The following PHACTR4 variants were observed in gnomAD, a reference collection of about 807,000 sequenced individuals.
PHACTR4 encodes protein phosphatase 1, regulatory subunit 124.
Under a neutral mutation model 72.7 loss-of-function variants are expected in PHACTR4, and 51 were observed. That is an observed-to-expected ratio of 0.70 (90% CI 0.56 to 0.89). The LOEUF (loss-of-function observed/expected upper bound fraction) is 0.89, where lower values mean the gene tolerates loss of function less well. Ranked by LOEUF, PHACTR4 falls within the 40% of genes least tolerant of loss-of-function variation. PHACTR4 has a pLI of 0.00. For missense variants in PHACTR4, 731 were observed against 861.8 expected, an observed-to-expected ratio of 0.85 and a Z score of 1.90; for synonymous variants, 255 against 302.5, an observed-to-expected ratio of 0.84 and a Z score of 1.63.
chr1:28,460,977 C>T (rs1183035314), intron 4 of PHACTR4, among the ~76,000 whole-genome samples: 1 of 152,086 alleles, frequency 6.6e-6, no homozygotes, highest in East Asian at 1.9e-4. Context: ...GTCCCCATGC[C>T]CATATCACTG....
chr1:28,393,644 TTACTA>T (rs368203239), intron 1 of PHACTR4, among the ~76,000 whole-genome samples: 5 of 152,126 alleles, frequency 3.3e-5, no homozygotes, highest in African/African-American at 1.2e-4. Flanking sequence ...GTTTATATAT[TTACTA>T]TACTTTTTAA....
intron 2 of PHACTR4, among the ~76,000 whole-genome samples, chr1:28,450,398 T>C (rs1476248552): frequency 6.6e-6 from 1 of 152,068 alleles, no homozygotes; most frequent in East Asian, 1.9e-4. Flanking sequence ...ACTGCATGCC[T>C]ATATGTTCTC....
intron 2 of PHACTR4, among the ~76,000 whole-genome samples, chr1:28,428,489 A>C (rs572648179): frequency 6.6e-6 from 1 of 152,220 alleles, no homozygotes; most frequent in Admixed American, 6.5e-5. Flanking sequence ...CAGAATCCCT[A>C]TATCTCCAGT....
At chr1:28,439,407 A>G (rs1206377469) in intron 2 of PHACTR4, among the ~76,000 whole-genome samples, 4 of 152,112 alleles carry the variant, frequency 2.6e-5, no homozygotes, top group Non-Finnish European at 5.9e-5. Context: ...TTTGTTTCTA[A>G]AGGTAGTATT....
intron 6 of PHACTR4, among the ~76,000 whole-genome samples, chr1:28,468,862 C>T (rs1659382425): frequency 6.6e-6 from 1 of 152,132 alleles, no homozygotes; most frequent in Non-Finnish European, 1.5e-5. Flanking sequence ...CATTAAGAGC[C>T]TCTGCTCTAC....
At chr1:28,461,849 C>CTTT (rs142600648) in intron 4 of PHACTR4, among the ~76,000 whole-genome samples, 3 of 144,216 alleles carry the variant, frequency 2.1e-5, no homozygotes, top group African/African-American at 8.0e-5. Flanking sequence ...TGTTTTCTTT[C>CTTT]TTTCTTTTTT....
At chr1:28,403,493 A>T (rs1654089060) in intron 1 of PHACTR4, among the ~76,000 whole-genome samples, 1 of 152,220 alleles carries the variant, frequency 6.6e-6, no homozygotes, top group African/African-American at 2.4e-5. Context: ...TGGAGGATCC[A>T]GCCAGTGCAA....
At chr1:28,436,663 G>T (rs1351896128) in intron 2 of PHACTR4, among the ~76,000 whole-genome samples, 1 of 152,120 alleles carries the variant, frequency 6.6e-6, no homozygotes, top group Non-Finnish European at 1.5e-5. Context: ...TGGAGGTTAT[G>T]TTAAGGTTGT....
At chr1:28,378,910 C>G (rs997552597) in intron 1 of PHACTR4, among the ~76,000 whole-genome samples, 2 of 152,028 alleles carry the variant, frequency 1.3e-5, no homozygotes, top group Non-Finnish European at 2.9e-5. Context: ...ACTGTTATTA[C>G]CCAGGCACTG....
chr1:28,441,416 C>T (rs1657022178), intron 2 of PHACTR4, among the ~76,000 whole-genome samples: 1 of 152,028 alleles, frequency 6.6e-6, no homozygotes, highest in African/African-American at 2.4e-5. Context: ...TAATTGATTC[C>T]CTTGACTTGT....
chr1:28,472,299 T>G (rs1659612205), intron 6 of PHACTR4, among the ~76,000 whole-genome samples: 1 of 152,172 alleles, frequency 6.6e-6, no homozygotes, highest in Non-Finnish European at 1.5e-5. Flanking sequence ...TAGTATGATC[T>G]TGGGCAAAGT....
intron 4 of PHACTR4, among the ~76,000 whole-genome samples, 156 bp downstream of exon 4, chr1:28,460,448 G>A (rs115798179): frequency 3.2e-3 from 491 of 152,102 alleles, no homozygotes; most frequent in African/African-American, 0.011. Context: ...CCTTCCTTGG[G>A]GCAAACATTC....
At chr1:28,460,367 ATTTT>A in intron 4 of PHACTR4, 75 bp downstream of exon 4, 1 of 1,088,202 alleles carries the variant, frequency 9.2e-7, no homozygotes, top group Non-Finnish European at 1.3e-6. Context: ...AGATATTTGA[ATTTT>A]CTTTCTTTCT....
At chr1:28,424,374 C>T (rs1655699840) in intron 2 of PHACTR4, among the ~76,000 whole-genome samples, 1 of 151,944 alleles carries the variant, frequency 6.6e-6, no homozygotes, top group Non-Finnish European at 1.5e-5. Flanking sequence ...CTAGGCTGGT[C>T]TCCACCTCTG....
At chr1:28,403,557 C>CA (rs1252856663) in intron 1 of PHACTR4, among the ~76,000 whole-genome samples, 2 of 151,868 alleles carry the variant, frequency 1.3e-5, no homozygotes, top group African/African-American at 2.4e-5. Context: ...ACTTAAAAAA[C>CA]AAAAAAACAG....
intron 1 of PHACTR4, among the ~76,000 whole-genome samples, chr1:28,394,566 C>G (rs1057197279): frequency 2.0e-5 from 3 of 151,226 alleles, no homozygotes; most frequent in Non-Finnish European, 4.4e-5. Context: ...ACTAGGATTA[C>G]AGGTGTGAGC....
chr1:28,494,135 G>A (rs1661194541), intron 13 of PHACTR4: 2 of 151,918 alleles, frequency 1.3e-5, no homozygotes, highest in Non-Finnish European at 2.9e-5. Flanking sequence ...GCTGAGGCGG[G>A]AGGATCGCTT....
At chr1:28,398,679 C>T (rs1397858933) in intron 1 of PHACTR4, among the ~76,000 whole-genome samples, 1 of 151,654 alleles carries the variant, frequency 6.6e-6, no homozygotes, top group African/African-American at 2.4e-5. Context: ...ATTAGCCGGG[C>T]GTGGGGGCAC....
rs143310639 is a variant in PHACTR4 at position 28,466,918 on chromosome 1, G to T, written c.823+150G>T. 360 of 1,249,242 alleles carry T rather than the reference G, an allele frequency of 2.9e-4. 5 individuals are homozygous for T. The East Asian group carries it at 8.4e-3, about 29-fold the overall frequency. The allele number at this position is 1,249,242 out of a possible 1,614,324, so 77.4% of individuals were successfully genotyped here. ...GACCTCAATATGGAGAAAAGTCTTA[G>T]GTTAAGAAAAAATAGGCCAGGTGCG... On this transcript the variant is annotated intron_variant, in intron 6 of 13. Transcript: ENST00000373839.
Sources: gnomAD v4.1 joint callset for allele counts (sites outside exome capture counted in the v4.1 genomes callset) on GRCh38, gnomAD v4.1.1 for gene constraint, MANE v1.5 for transcripts, NCBI Gene and HGNC (gene_info 2026-07-23, HGNC 2026-07-21) for gene names.